The following CLTC variants were observed in gnomAD, a reference collection of about 807,000 sequenced individuals.
CLTC encodes the protein clathrin heavy chain.
A neutral mutation model predicts 195.8 loss-of-function variants in CLTC; 16 were observed. The observed-to-expected ratio is 0.08, with a 90% confidence interval of 0.06 to 0.12. The LOEUF is 0.12. Ranked by LOEUF, CLTC falls within the 10% of genes least tolerant of loss-of-function variation. The pLI, the probability that CLTC is intolerant of heterozygous loss-of-function variation, is 1.00. For synonymous variants in CLTC, 667 were observed against 689.4 expected, an observed-to-expected ratio of 0.97 and a Z score of 0.51; for missense variants, 796 against 2,027.0, an observed-to-expected ratio of 0.39 and a Z score of 11.66.
chr17:59,633,909 G>T (rs549331867), intron 1 of CLTC, among the ~76,000 whole-genome samples: 4 of 152,184 alleles, frequency 2.6e-5, no homozygotes, highest in East Asian at 3.9e-4. Context: ...TCAGCAATAA[G>T]TATTATATAT....
At chr17:59,649,391 C>G (rs141296929) in intron 4 of CLTC, among the ~76,000 whole-genome samples, 23 of 152,246 alleles carry the variant, frequency 1.5e-4, no homozygotes, top group Middle Eastern at 3.4e-3. Context: ...CTTTTGTGTT[C>G]CTAGCTCCCT....
In CLTC at chr17:59,663,892, A is replaced by G. The variant is rs981385945; in HGVS notation, c.1419A>G (p.Thr473=). 8 of 1,613,674 alleles carry G rather than the reference A, an allele frequency of 5.0e-6. No individual in the cohort carries two copies. In the South Asian group the frequency reaches 5.5e-5, roughly 11 times the overall value. ...LGDLVKSVDP[T]LALSVYLRAN... Reference sequence around the variant, plus strand: ...ATCTTGTGAAATCTGTGGACCCTACATTGGCACTTAGTGTGTACCTAAGGG... The same window carrying G: ...ATCTTGTGAAATCTGTGGACCCTACGTTGGCACTTAGTGTGTACCTAAGGG... Residue 473 remains threonine (T), a synonymous_variant, in exon 9 of 32, where the codon ACA becomes ACG. Transcript: ENST00000269122.
chr17:59,654,686 G>T (rs1469323702), intron 5 of CLTC, among the ~76,000 whole-genome samples: 1 of 152,104 alleles, frequency 6.6e-6, no homozygotes, highest in Non-Finnish European at 1.5e-5. Context: ...TCACTGTTTT[G>T]CCCAGGGTGG....
intron 30 of CLTC, chr17:59,687,000 G>A: frequency 2.0e-6 from 2 of 988,868 alleles, no homozygotes; most frequent in Non-Finnish European, 2.4e-6. Flanking sequence ...TTCCTTTGCA[G>A]GTTGATGCAA....
chr17:59,653,961 T>C (rs12449896), intron 5 of CLTC, among the ~76,000 whole-genome samples: 124,420 of 151,674 alleles, frequency 0.82, 51,275 homozygotes, highest in East Asian at 0.94. Context: ...TTAGTAGAGT[T>C]GGGGTTTCGC....
chr17:59,644,637 AC>A (rs2032140865), intron 2 of CLTC, 154 bp downstream of exon 2: 4 of 627,588 alleles, frequency 6.4e-6, no homozygotes, highest in East Asian at 2.8e-5. Flanking sequence ...TGCAATCTCC[AC>A]CCCCCAGGTT....
intron 16 of CLTC, among the ~76,000 whole-genome samples, chr17:59,675,335 T>C (rs1255864302): frequency 6.6e-6 from 1 of 152,170 alleles, no homozygotes; most frequent in Non-Finnish European, 1.5e-5. Context: ...GGATTTCCAA[T>C]AGAATATAGT....
chr17:59,632,520 A>C (rs2031753724), intron 1 of CLTC, among the ~76,000 whole-genome samples: 1 of 151,942 alleles, frequency 6.6e-6, no homozygotes, highest in African/African-American at 2.4e-5. Context: ...TGAATTTAAA[A>C]AAACAAAACA....
rs1192993075 is a variant in CLTC at position 59,683,711 on chromosome 17, G to A, written c.4278G>A (p.Leu1426=). The change falls in exon 27 of 32, where the codon CTG becomes CTA. Residue 1426 remains leucine, a synonymous_variant. Coordinates refer to ENST00000269122, the MANE Select transcript of CLTC (RefSeq NM_004859.4). The surrounding 1 kb of genome is among the most constrained non-coding windows in gnomAD (Gnocchi z 6.1). Reference sequence around the variant, plus strand: ...TGTTAAATGATTTGCTGATGGTGCTGTCTCCACGGTTGGATCACACTCGTG... The same window carrying A: ...TGTTAAATGATTTGCTGATGGTGCTATCTCCACGGTTGGATCACACTCGTG... ...PLLLNDLLMV[L]SPRLDHTRAV... 6.2e-6 allele frequency: 10 copies of A among 1,614,056 alleles called. No homozygotes were observed. The highest frequency in any genetic ancestry group is 8.5e-6 in the Non-Finnish European group (10 of 1,180,028).
chr17:59,652,737 G>A (rs893825155), intron 5 of CLTC, among the ~76,000 whole-genome samples: 4 of 152,206 alleles, frequency 2.6e-5, no homozygotes, highest in Non-Finnish European at 5.9e-5. Flanking sequence ...AGGCAAAGTA[G>A]ATTTAGCATA....
intron 2 of CLTC, 55 bp from the exon 3 acceptor site, chr17:59,647,343 A>G (rs756583479): frequency 6.7e-5 from 93 of 1,386,016 alleles, no homozygotes; most frequent in Non-Finnish European, 9.1e-5. Flanking sequence ...CTAGGTAGGT[A>G]TTCATTCTAA....
At position 59,660,554 on chromosome 17, in the gene CLTC, C is replaced by T. The variant is rs771278812; in HGVS notation, c.1133C>T (p.Ser378Leu). ...GCTCTTTTTGCCCAGGGAAATTACTCGGAGGCAGCAAAGGTGGCTGCTAAT... is the reference window on the plus strand; with the variant it reads ...GCTCTTTTTGCCCAGGGAAATTACTTGGAGGCAGCAAAGGTGGCTGCTAAT... ...FNALFAQGNY[S>L]EAAKVAANAP... The change falls in exon 7 of 32, where the codon TCG becomes TTG. Residue 378 changes from serine (S) to leucine (L), a missense_variant. Physicochemically the swap from Ser to Leu is moderately radical, Grantham distance 145. Coordinates refer to ENST00000269122, the MANE Select transcript of CLTC (RefSeq NM_004859.4). The T allele has an allele frequency of 3.7e-6, 6 of 1,613,902 alleles. No individual in the cohort carries two copies. Among genetic ancestry groups the T allele is most frequent in the South Asian group, 3.3e-5 (3 of 91,072 alleles).
chr17:59,659,125 TAAAC>T (rs951847477), intron 6 of CLTC, among the ~76,000 whole-genome samples: 3 of 152,186 alleles, frequency 2.0e-5, no homozygotes, highest in Non-Finnish European at 2.9e-5. Flanking sequence ...GTAATACAGT[TAAAC>T]AAAGACAAAC....
At chr17:59,679,001 C>A (rs1041552230) in intron 17 of CLTC, among the ~76,000 whole-genome samples, 1 of 152,204 alleles carries the variant, frequency 6.6e-6, no homozygotes, top group African/African-American at 2.4e-5. Flanking sequence ...AAGACTCCTA[C>A]TTTCTGAAAA....
At chr17:59,679,308 A>G in intron 17 of CLTC, 89 bp from the exon 18 acceptor site, 3 of 1,063,984 alleles carry the variant, frequency 2.8e-6, no homozygotes, top group Non-Finnish European at 4.0e-6. Flanking sequence ...ATCAATAAAC[A>G]TAGTTTAAAA....
chr17:59,622,996 A>G (rs184161499), intron 1 of CLTC, among the ~76,000 whole-genome samples: 466 of 152,310 alleles, frequency 3.1e-3, no homozygotes, highest in African/African-American at 0.01. Flanking sequence ...TGAGCAAGAT[A>G]CTGTTGGAAT....
chr17:59,654,537 G>A (rs554564268), intron 5 of CLTC, among the ~76,000 whole-genome samples: 1 of 152,102 alleles, frequency 6.6e-6, no homozygotes, highest in South Asian at 2.1e-4. Flanking sequence ...CTGGAGTGCA[G>A]TGGCACCATC....
At chr17:59,653,725 G>A (rs1415390977) in intron 5 of CLTC, among the ~76,000 whole-genome samples, 1 of 150,632 alleles carries the variant, frequency 6.6e-6, no homozygotes, top group South Asian at 2.1e-4. Context: ...AGTACGCCTG[G>A]CTACTTAAAA....
At chr17:59,693,365 T>C (rs2033352456) in intron 31 of CLTC, among the ~76,000 whole-genome samples, 1 of 150,818 alleles carries the variant, frequency 6.6e-6, no homozygotes, top group Non-Finnish European at 1.5e-5. Flanking sequence ...AGATTCTTTT[T>C]TTTTTTTTTT....
Sources: gnomAD v4.1 joint callset for allele counts (sites outside exome capture counted in the v4.1 genomes callset) on GRCh38, gnomAD v4.1.1 for gene constraint, Gnocchi (gnomAD v3.1) non-coding constraint, MANE v1.5 for transcripts, NCBI Gene and HGNC (gene_info 2026-07-23, HGNC 2026-07-21) for gene names.